Variants in MARCHF5 observed in about 807,000 individuals in gnomAD.
MARCHF5 encodes the protein membrane associated ring-CH-type finger 5.
MARCHF5 carries 5 observed loss-of-function variants against 36.5 expected under a neutral mutation model. That is an observed-to-expected ratio of 0.14 (90% CI 0.07 to 0.29). The LOEUF is 0.29. Ranked by LOEUF, MARCHF5 falls within the 10% of genes least tolerant of loss-of-function variation. The pLI is 1.00. For synonymous variants in MARCHF5, 103 were observed against 109.9 expected (o/e 0.94, Z 0.39); for missense variants, 179 against 336.3 (o/e 0.53, Z 3.66).
At chr10:92,330,626 T>C (rs1445474676) in intron 2 of MARCHF5, among the ~76,000 whole-genome samples, 1 of 152,198 alleles carries the variant, frequency 6.6e-6, no homozygotes, top group Non-Finnish European at 1.5e-5. Context: ...CTGCTGTCTT[T>C]GATTATGCCT....
chr10:92,301,031 G>A (rs567382734), intron 1 of MARCHF5, among the ~76,000 whole-genome samples: 1 of 151,978 alleles, frequency 6.6e-6, no homozygotes, highest in Admixed American at 6.6e-5. Context: ...GATTACAGGT[G>A]TGTGCCATCA....
intron 2 of MARCHF5, among the ~76,000 whole-genome samples, chr10:92,335,588 G>A (rs1035311324): frequency 1.2e-4 from 18 of 152,272 alleles, no homozygotes; most frequent in African/African-American, 4.3e-4. Flanking sequence ...ACTAGAATTA[G>A]GTGCTATAAA....
chr10:92,334,322 A>G (rs191139919), intron 2 of MARCHF5: 1 of 152,232 alleles, frequency 6.6e-6, no homozygotes, highest in African/African-American at 2.4e-5. Context: ...TCTCTTTTAT[A>G]AATTATTGGC....
chr10:92,317,301 G>A (rs917258590), intron 2 of MARCHF5, among the ~76,000 whole-genome samples: 10 of 152,148 alleles, frequency 6.6e-5, no homozygotes, highest in Middle Eastern at 3.2e-3. Flanking sequence ...GTTTCACCAC[G>A]TTGCCCAGGC....
intron 1 of MARCHF5, among the ~76,000 whole-genome samples, chr10:92,303,760 T>C (rs1441811567): frequency 6.6e-6 from 1 of 152,228 alleles, no homozygotes; most frequent in Non-Finnish European, 1.5e-5. Flanking sequence ...GCAAAAACCA[T>C]CATAATTTTA....
chr10:92,336,956 C>T (rs1038046398), intron 2 of MARCHF5, among the ~76,000 whole-genome samples: 1 of 151,880 alleles, frequency 6.6e-6, no homozygotes, highest in Non-Finnish European at 1.5e-5. Flanking sequence ...AACCTCATCT[C>T]TGCAAAAAAT....
chr10:92,331,981 A>G (rs182352366), intron 2 of MARCHF5, among the ~76,000 whole-genome samples: 59 of 147,612 alleles, frequency 4.0e-4, no homozygotes, highest in African/African-American at 1.3e-3. Context: ...ATATATGTAT[A>G]TATATAATCA....
chr10:92,328,637 TGAGTA>T (rs1843398180), intron 2 of MARCHF5, among the ~76,000 whole-genome samples: 2 of 151,698 alleles, frequency 1.3e-5, no homozygotes, highest in African/African-American at 2.4e-5. Flanking sequence ...TGTAGAACTC[TGAGTA>T]GAGTTATATT....
chr10:92,299,556 C>T (rs144773927), intron 1 of MARCHF5, among the ~76,000 whole-genome samples: 354 of 152,304 alleles, frequency 2.3e-3, no homozygotes, highest in Middle Eastern at 6.8e-3. Flanking sequence ...CTCCCCCAAA[C>T]AGAGTTAATA....
At chr10:92,299,066 C>T (rs1353901758) in intron 1 of MARCHF5, among the ~76,000 whole-genome samples, 1 of 152,034 alleles carries the variant, frequency 6.6e-6, no homozygotes, top group Non-Finnish European at 1.5e-5. Flanking sequence ...CTCCACCAAT[C>T]CTACCTTGGC....
intron 1 of MARCHF5, among the ~76,000 whole-genome samples, chr10:92,309,260 T>C (rs1804858310): frequency 6.6e-6 from 1 of 152,190 alleles, no homozygotes; most frequent in Non-Finnish European, 1.5e-5. Flanking sequence ...ATAAACCTTA[T>C]CTAGAATTTA....
chr10:92,338,355 T>C (rs191504796), intron 2 of MARCHF5, among the ~76,000 whole-genome samples: 15 of 152,348 alleles, frequency 9.8e-5, no homozygotes, highest in Admixed American at 9.1e-4. Flanking sequence ...CAAATTTGTA[T>C]GTCTTGAGAA....
At chr10:92,321,146 G>T (rs756997997) in intron 2 of MARCHF5, among the ~76,000 whole-genome samples, 1 of 152,006 alleles carries the variant, frequency 6.6e-6, no homozygotes, top group Non-Finnish European at 1.5e-5. Flanking sequence ...ACACCATACC[G>T]ACTCTGTGAT....
intron 1 of MARCHF5, among the ~76,000 whole-genome samples, chr10:92,310,441 A>G (rs1843130060): frequency 6.6e-6 from 1 of 152,182 alleles, no homozygotes; most frequent in African/African-American, 2.4e-5. Flanking sequence ...AATGTTTTAA[A>G]ATTACCGATC....
rs558728892 is a variant in MARCHF5 at position 92,342,010 on chromosome 10, A to G, written c.369+1207A>G. ...CACTATGTTACCAAGGCTGATCTCA[A>G]ACTCCTGGGCTCAAGTGATCCTCCC... On this transcript the variant is annotated intron_variant, in intron 3 of 5. Coordinates refer to ENST00000358935, the MANE Select transcript of MARCHF5 (RefSeq NM_017824.5). Among the ~76,000 whole-genome samples, 52 of 151,788 alleles carry G rather than the reference A, an allele frequency of 3.4e-4. No individual in the cohort carries two copies. The South Asian group carries it at 6.3e-3, about 18-fold the overall frequency.
At chr10:92,311,366 T>G (rs1843142243) in intron 2 of MARCHF5, 29 bp downstream of exon 2, 1 of 1,426,544 alleles carries the variant, frequency 7.0e-7, no homozygotes, top group Non-Finnish European at 9.6e-7. Context: ...ACAACACAGA[T>G]ATAGTTGATG....
At chr10:92,291,560 C>A (rs1201958019) in intron 1 of MARCHF5, 31 bp downstream of exon 1, 2 of 1,520,842 alleles carry the variant, frequency 1.3e-6, no homozygotes, top group East Asian at 2.6e-5. Context: ...GACCGGGAGC[C>A]GCCGACCCTC....
At chr10:92,328,377 A>G (rs1009068776) in intron 2 of MARCHF5, among the ~76,000 whole-genome samples, 3 of 148,402 alleles carry the variant, frequency 2.0e-5, no homozygotes, top group African/African-American at 7.5e-5. Flanking sequence ...AGCTTTTTCA[A>G]TGGTGGTGTT....
At chr10:92,327,729 C>A (rs1387305663) in intron 2 of MARCHF5, among the ~76,000 whole-genome samples, 1 of 152,150 alleles carries the variant, frequency 6.6e-6, no homozygotes, top group Non-Finnish European at 1.5e-5. Context: ...CAAAGCTCAG[C>A]AGAATGCTCA....
Sources: allele counts gnomAD v4.1 joint callset (sites outside exome capture counted in the v4.1 genomes callset), GRCh38; gene constraint gnomAD v4.1.1; transcripts MANE v1.5; gene names NCBI Gene and HGNC (gene_info 2026-07-23, HGNC 2026-07-21).